The following P4HA3 variants were observed in gnomAD, a reference collection of about 807,000 sequenced individuals.
P4HA3 encodes prolyl 4-hydroxylase subunit alpha 3, also known as prolyl 4-hydroxylase subunit alpha-3.
Under a neutral mutation model 66.7 loss-of-function variants are expected in P4HA3, and 60 were observed. That is an observed-to-expected ratio of 0.90 (90% confidence interval 0.73 to 1.12). P4HA3 has a LOEUF of 1.12. Among genes scored for constraint, P4HA3 ranks in the 50% most tolerant of loss-of-function variants. The probability of loss-of-function intolerance (pLI) is 0.00; values close to 1 mark genes in which losing one functional copy is unlikely to be tolerated. For synonymous variants in P4HA3, 263 were observed against 274.6 expected, an observed-to-expected ratio of 0.96 and a Z score of 0.42; for missense variants, 683 against 685.8, an observed-to-expected ratio of 1.00 and a Z score of 0.05.
intron 2 of P4HA3, among the ~76,000 whole-genome samples, chr11:74,304,024 C>T (rs1861499595): frequency 6.6e-6 from 1 of 152,156 alleles, no homozygotes; most frequent in African/African-American, 2.4e-5. Flanking sequence ...AAGGCTTGTA[C>T]TTTGTCACAG....
At chr11:74,257,979 A>G (rs573000297) in intron 15 of P4HA3, among the ~76,000 whole-genome samples, 1 of 152,248 alleles carries the variant, frequency 6.6e-6, no homozygotes, top group Admixed American at 6.5e-5. Flanking sequence ...TGGAAGTGAA[A>G]GGTCAAGATT....
Position 74,302,570 on chromosome 11 carries a change from C to T in P4HA3, c.366G>A (p.Lys122=), listed in dbSNP as rs1861442687. The change falls in exon 3 of 13, where the codon AAG becomes AAA. Residue 122 remains lysine, a synonymous_variant. Coordinates refer to ENST00000331597, the MANE Select transcript of P4HA3 (RefSeq NM_182904.5). ...NIRALKDGYE[K]VEQDLPAFED... is the part of the protein sequence containing the mutation. Reference sequence around the variant, plus strand: ...CAAAGGCTGGAAGGTCTTGCTCCACCTTCTCATAGCCATCCTTCAGAGCTG... The same window carrying T: ...CAAAGGCTGGAAGGTCTTGCTCCACTTTCTCATAGCCATCCTTCAGAGCTG... The T allele has an allele frequency of 6.2e-6, 10 of 1,613,982 alleles. 1 individual carries two copies. The highest frequency in any genetic ancestry group is 5.3e-5 in the African/African-American group (4 of 75,040).
rs1466464409 is a variant in P4HA3 at position 74,281,059 on chromosome 11, C to T, written c.1111-1607G>A. On this transcript the variant is annotated intron_variant, in intron 7 of 12. Coordinates refer to ENST00000331597, the MANE Select transcript of P4HA3 (RefSeq NM_182904.5). ...AAAAACAACCCCATCAAAAAGTGGG[C>T]GAAGGACATGAACAGACACTTCTCA... Among the ~76,000 whole-genome samples, 6 of 152,048 alleles carry T rather than the reference C, an allele frequency of 3.9e-5. No homozygotes were observed. In the South Asian group the frequency reaches 8.3e-4, roughly 21 times the overall value.
At position 74,302,671 on chromosome 11, in the gene P4HA3, C is replaced by T. The variant is rs561958502; in HGVS notation, c.344-79G>A. The T allele has an allele frequency of 7.0e-6, 9 of 1,281,050 alleles. No individual in the cohort carries two copies. The South Asian group carries it at 1.3e-4, about 18-fold the overall frequency. The allele number at this position is 1,281,050 out of a possible 1,614,324, so 79.4% of individuals were successfully genotyped here. On this transcript the variant is annotated intron_variant, in intron 2 of 12. Coordinates refer to ENST00000331597, the MANE Select transcript of P4HA3 (RefSeq NM_182904.5). ...TTTAATACATGTAAGGCATGACCACCTGTTCAAATATTTAATGACATCAAG... is the reference window on the plus strand; with the variant it reads ...TTTAATACATGTAAGGCATGACCACTTGTTCAAATATTTAATGACATCAAG...
chr11:74,251,733 G>A (rs982870126), intron 15 of P4HA3: 1 of 1,613,848 alleles, frequency 6.2e-7, no homozygotes, highest in South Asian at 1.1e-5. Flanking sequence ...GGGTACAAGG[G>A]TTTAAGAACC....
In P4HA3 at chr11:74,285,857, G is replaced by T. The variant is rs749333575; in HGVS notation, c.1062C>A (p.Phe354Leu). The T allele has an allele frequency of 1.4e-5, 22 of 1,613,968 alleles. No individual in the cohort carries two copies. Among genetic ancestry groups the T allele is most frequent in the Non-Finnish European group, 1.7e-5 (20 of 1,179,982 alleles). The change falls in exon 7 of 13, where the codon TTC becomes TTA. Residue 354 changes from phenylalanine (F) to leucine (L), a missense_variant. Transcript: ENST00000331597. ...LEPYIALYHD[F>L]VSDSEAQKIR... is the part of the protein sequence containing the mutation. ...TTTTCTGAGCCTCTGAGTCACTGAC[G>T]AAGTCATGGTAGAGAGCAATGTAGG...
chr11:74,302,127 G>A (rs758674464), intron 3 of P4HA3, among the ~76,000 whole-genome samples: 9 of 152,134 alleles, frequency 5.9e-5, no homozygotes, highest in Non-Finnish European at 1.0e-4. Flanking sequence ...ACTATGGAAA[G>A]GGCCTGAGAT....
At chr11:74,290,652 T>C (rs1860983909) in intron 4 of P4HA3, among the ~76,000 whole-genome samples, 1 of 152,138 alleles carries the variant, frequency 6.6e-6, no homozygotes, top group African/African-American at 2.4e-5. Flanking sequence ...CAGTTTCAGC[T>C]TTCTACATAT....
chr11:74,289,486 G>T (rs931060777), intron 4 of P4HA3, among the ~76,000 whole-genome samples: 1 of 151,766 alleles, frequency 6.6e-6, no homozygotes, highest in Non-Finnish European at 1.5e-5. Context: ...GGGTACATGT[G>T]CACAACGTGC....
chr11:74,297,766 G>A lies in P4HA3; in HGVS notation c.717+446C>T, dbSNP rs559534790. ...TTGGACTCAACTGCAGATGGGAAAA[G>A]CTCATAATCAAACTTCTTTGTCCAT... On this transcript the variant is annotated intron_variant, in intron 4 of 12. Transcript: ENST00000331597. Among the ~76,000 whole-genome samples the A allele has an allele frequency of 7.9e-5, 12 of 152,284 alleles. No homozygotes were observed. The South Asian group carries it at 2.1e-3, about 26-fold the overall frequency.
chr11:74,301,219 GTTATA>G (rs1202534733), intron 3 of P4HA3, among the ~76,000 whole-genome samples: 1 of 151,968 alleles, frequency 6.6e-6, no homozygotes, highest in Non-Finnish European at 1.5e-5. Flanking sequence ...ATAATTGCTT[GTTATA>G]TTATTTTATG....
At chr11:74,303,253 ACTCTT>A in intron 2 of P4HA3, among the ~76,000 whole-genome samples, 1 of 144,532 alleles carries the variant, frequency 6.9e-6, no homozygotes, top group African/African-American at 2.6e-5. Context: ...CCACACCCAG[ACTCTT>A]CTCACTGTTA....
At chr11:74,261,657 A>T (rs1859909035), downstream of P4HA3, among the ~76,000 whole-genome samples, 1 of 151,874 alleles carries the variant, frequency 6.6e-6, no homozygotes, top group African/African-American at 2.4e-5. Flanking sequence ...TCACTAGTAT[A>T]GTCACTGTGG....
intron 14 of P4HA3, chr11:74,260,273 G>C (rs976896451): frequency 3.3e-5 from 5 of 152,382 alleles, no homozygotes; most frequent in African/African-American, 1.2e-4. Context: ...GAGCTGGATA[G>C]GGAGGGAGGG....
chr11:74,275,694 C>A (rs74689148), intron 9 of P4HA3, among the ~76,000 whole-genome samples: 6,050 of 152,210 alleles, frequency 0.04, 127 homozygotes, highest in Middle Eastern at 0.11. Flanking sequence ...GATCAGCATG[C>A]TAATTTCTAC....
intron 15 of P4HA3, chr11:74,253,788 C>A: frequency 1.8e-6 from 1 of 558,388 alleles, no homozygotes; most frequent in Non-Finnish European, 3.2e-6. Flanking sequence ...CCCTGCGTTG[C>A]CTAGGGTAAA....
chr11:74,302,098 G>A (rs1053034982), intron 3 of P4HA3, among the ~76,000 whole-genome samples: 4 of 152,216 alleles, frequency 2.6e-5, no homozygotes, highest in Middle Eastern at 6.8e-3. Context: ...AGTGTTCTAA[G>A]TATATAAACA....
chr11:74,260,916 T>C (rs933529865), intron 14 of P4HA3, among the ~76,000 whole-genome samples: 5 of 152,066 alleles, frequency 3.3e-5, no homozygotes, highest in Admixed American at 1.3e-4. Flanking sequence ...TCTCACGACT[T>C]TGGTAATGAC....
At chr11:74,273,439 T>A (rs769864513) in intron 10 of P4HA3, 106 bp downstream of exon 10, 3 of 1,018,874 alleles carry the variant, frequency 2.9e-6, no homozygotes, top group Non-Finnish European at 4.0e-6. Context: ...TGGAGATTTT[T>A]GCGCTGAGTA....
Sources: allele counts gnomAD v4.1 joint callset (sites outside exome capture counted in the v4.1 genomes callset), GRCh38; gene constraint gnomAD v4.1.1; transcripts MANE v1.5; gene names NCBI Gene and HGNC (gene_info 2026-07-23, HGNC 2026-07-21).